Variants in SATB2 observed in about 807,000 individuals in gnomAD.
The protein encoded by SATB2 is DNA-binding protein SATB2.
SATB2 carries 1 observed loss-of-function variant against 73.4 expected under a neutral mutation model. That is an observed-to-expected ratio of 0.01 (90% CI 0.00 to 0.06). The LOEUF is 0.06. SATB2 is among the 10% of genes least tolerant of loss of function. The probability of loss-of-function intolerance (pLI) is 1.00; values close to 1 mark genes in which losing one functional copy is unlikely to be tolerated. For missense variants in SATB2, 459 were observed against 945.8 expected (o/e 0.49, Z 6.75); for synonymous variants, 397 against 367.0 (o/e 1.08, Z -0.93).
At chr2:199,414,943 G>T (rs1690930663) in intron 3 of SATB2, among the ~76,000 whole-genome samples, 2 of 152,232 alleles carry the variant, frequency 1.3e-5, no homozygotes, top group African/African-American at 4.8e-5. Flanking sequence ...AGGCAAAACG[G>T]CAGTCTTCCC....
Position 199,272,387 on chromosome 2 carries a change from G to T in SATB2, c.2026C>A (p.Leu676Met), listed in dbSNP as rs138968934. Residue 676 changes from leucine to methionine, a missense_variant, in exon 11 of 11, where the codon CTG becomes ATG. Around this residue, in one of 13 missense-constraint regions of SATB2, gnomAD observed 13 missense variants for 18.1 expected, o/e 0.72. Coordinates refer to ENST00000417098, the MANE Select transcript of SATB2 (RefSeq NM_001172509.2). The surrounding 1 kb of genome is among the most constrained non-coding windows in gnomAD (Gnocchi z 6.7). ...QRYHVKHHGK[L>M]KEHLGSAVDV... is the part of the protein sequence containing the mutation. ...ACCGCGGAGCCCAGGTGCTCTTTCA[G>T]CTTCCCGTGGTGCTTCACGTGGTAC... is the stretch of plus-strand genomic sequence containing the variant. The T allele has an allele frequency of 3.1e-6, 5 of 1,614,068 alleles. No individual in the cohort carries two copies. Among genetic ancestry groups the T allele is most frequent in the African/African-American group, 1.3e-5 (1 of 74,930 alleles).
At chr2:199,302,849 C>T (rs530325173) in intron 10 of SATB2, among the ~76,000 whole-genome samples, 68 of 152,070 alleles carry the variant, frequency 4.5e-4, no homozygotes, top group African/African-American at 1.5e-3. Context: ...CTGAAGTGCA[C>T]TTGAACATTA....
At position 199,306,178 on chromosome 2, in the gene SATB2, C is replaced by T. The variant is rs578008325; in HGVS notation, c.1740+2582G>A. On this transcript the variant is annotated intron_variant, in intron 10 of 10. Coordinates refer to ENST00000417098, the MANE Select transcript of SATB2 (RefSeq NM_001172509.2). ...TAGCTTGGTATGTTTTTAAATACAG[C>T]CCTCCCCAAGTCACAGAGGCTGTGC... Among the ~76,000 whole-genome samples, 5 of 152,222 alleles carry T rather than the reference C, an allele frequency of 3.3e-5. No homozygotes were observed. In the South Asian group the frequency reaches 1.0e-3, roughly 32 times the overall value.
upstream of SATB2, chr2:199,458,885 A>T (rs1692389910): frequency 3.3e-6 from 1 of 304,684 alleles, no homozygotes; most frequent in Non-Finnish European, 6.4e-6. Context: ...GCGCGCAGGG[A>T]AGGCCGCTTC....
At chr2:199,376,470 G>A (rs930845925) in intron 5 of SATB2, among the ~76,000 whole-genome samples, 1 of 152,136 alleles carries the variant, frequency 6.6e-6, no homozygotes, top group African/African-American at 2.4e-5. Flanking sequence ...GAGACATTTT[G>A]GTTGTCACAA....
intron 7 of SATB2, among the ~76,000 whole-genome samples, chr2:199,329,945 C>G (rs1258932025): frequency 2.0e-5 from 3 of 152,054 alleles, no homozygotes; most frequent in East Asian, 1.9e-4. Flanking sequence ...CTTCTCAGAG[C>G]AGTATAAGAA....
rs186705728 is a variant in SATB2, at chr2:199,291,917, A to T, written c.1740+16843T>A. Reference sequence around the variant, plus strand: ...CACAGCAAGACTCTGTCTCAAAAAAAAAATAAATAAAAATAAAAACAAAAA... The same window carrying T: ...CACAGCAAGACTCTGTCTCAAAAAATAAATAAATAAAAATAAAAACAAAAA... On this transcript the variant is annotated intron_variant, in intron 10 of 10. Coordinates refer to ENST00000417098, the MANE Select transcript of SATB2 (RefSeq NM_001172509.2). Among the ~76,000 whole-genome samples the T allele has an allele frequency of 3.6e-3, 554 of 152,236 alleles. 4 individuals are homozygous for T. Among genetic ancestry groups the T allele is most frequent in the African/African-American group, 0.012 (510 of 41,530 alleles).
upstream of SATB2, among the ~76,000 whole-genome samples, chr2:199,466,976 AT>A (rs1463056270): frequency 6.6e-6 from 1 of 152,254 alleles, no homozygotes; most frequent in African/African-American, 2.4e-5. Context: ...GCCTCAATCA[AT>A]GCACTTAGAT....
At chr2:199,365,505 T>A (rs1689257277) in intron 6 of SATB2, among the ~76,000 whole-genome samples, 1 of 152,076 alleles carries the variant, frequency 6.6e-6, no homozygotes. Context: ...GTCTTTGAAA[T>A]TAAAGAAAAA....
At chr2:199,384,165 T>C (rs1689860980) in intron 3 of SATB2, among the ~76,000 whole-genome samples, 1 of 152,190 alleles carries the variant, frequency 6.6e-6, no homozygotes, top group African/African-American at 2.4e-5. Context: ...GGAAGAAGAC[T>C]TGTTTGGGCT....
intron 5 of SATB2, among the ~76,000 whole-genome samples, chr2:199,375,196 TAAG>T (rs1457551781): frequency 2.0e-5 from 3 of 152,070 alleles, no homozygotes; most frequent in African/African-American, 7.2e-5. Context: ...GATGCAATCA[TAAG>T]GTTTTCAAAT....
chr2:199,323,791 A>G lies in SATB2; in HGVS notation c.1542+12T>C. The G allele has an allele frequency of 1.2e-6, 2 of 1,613,306 alleles. No homozygotes were observed. The highest frequency in any genetic ancestry group is 1.7e-6 in the Non-Finnish European group (2 of 1,179,472). On this transcript the variant is annotated intron_variant, in intron 9 of 10. Coordinates refer to ENST00000417098, the MANE Select transcript of SATB2 (RefSeq NM_001172509.2). Reference sequence around the variant, plus strand: ...TCCAGCCCTCGATTTTGCTTTTTTAAAAACCACTCACCTGACTTTTATTTG... The same window carrying G: ...TCCAGCCCTCGATTTTGCTTTTTTAGAAACCACTCACCTGACTTTTATTTG...
chr2:199,434,530 A>C (rs928470653), intron 2 of SATB2, among the ~76,000 whole-genome samples: 2 of 152,224 alleles, frequency 1.3e-5, no homozygotes, highest in African/African-American at 4.8e-5. Context: ...CCAACATACA[A>C]GTAATAAACA....
intron 9 of SATB2, among the ~76,000 whole-genome samples, chr2:199,322,088 GC>G (rs1275850643): frequency 6.6e-6 from 1 of 152,188 alleles, no homozygotes; most frequent in Non-Finnish European, 1.5e-5. Flanking sequence ...GAGGCTGGAG[GC>G]ATCACTATTT....
chr2:199,426,311 T>C (rs1691326047), intron 3 of SATB2, among the ~76,000 whole-genome samples: 1 of 152,082 alleles, frequency 6.6e-6, no homozygotes. Context: ...ATTTTTGAGA[T>C]GCAGTCTTGC....
At chr2:199,294,567 C>G (rs943129930) in intron 10 of SATB2, among the ~76,000 whole-genome samples, 2 of 152,106 alleles carry the variant, frequency 1.3e-5, no homozygotes, top group Non-Finnish European at 2.9e-5. Context: ...CATGATGCAC[C>G]CAAATAAGAG....
upstream of SATB2, chr2:199,459,527 C>G (rs1056628926): frequency 1.3e-5 from 2 of 152,520 alleles, no homozygotes; most frequent in Admixed American, 6.5e-5. The surrounding 1 kb of genome is among the most constrained non-coding windows in gnomAD (Gnocchi z 4.2). Context: ...CCGCTAGGAC[C>G]TTAGGCGAGA....
chr2:199,285,724 A>T (rs969448265), intron 10 of SATB2, among the ~76,000 whole-genome samples: 7 of 145,140 alleles, frequency 4.8e-5, no homozygotes, highest in South Asian at 4.3e-4. Flanking sequence ...AGAGGGATTT[A>T]AAAAAAAAAA....
intron 5 of SATB2, among the ~76,000 whole-genome samples, chr2:199,372,205 T>G (rs1055739422): frequency 2.0e-5 from 3 of 152,208 alleles, no homozygotes; most frequent in African/African-American, 7.2e-5. Flanking sequence ...AGATAAAGTA[T>G]AGGTGTCCTT....
Sources: allele counts gnomAD v4.1 joint callset (sites outside exome capture counted in the v4.1 genomes callset), GRCh38; gene constraint gnomAD v4.1.1; regional missense constraint gnomAD v4.1.1; non-coding constraint Gnocchi (gnomAD v3.1); transcripts MANE v1.5; gene names NCBI Gene and HGNC (gene_info 2026-07-23, HGNC 2026-07-21).